The following ESYT1 variants were observed in gnomAD, a reference collection of about 807,000 sequenced individuals.
ESYT1 encodes the protein extended synaptotagmin 1, also known as extended synaptotagmin-1.
ESYT1 carries 116 observed loss-of-function variants against 154.2 expected under a neutral mutation model. The ratio of observed to expected loss-of-function variants is 0.75; its 90% CI spans 0.65 to 0.88. The LOEUF (loss-of-function observed/expected upper bound fraction) is 0.88. Ranked by LOEUF, ESYT1 falls within the 40% of genes least tolerant of loss-of-function variation. The pLI, the probability that ESYT1 is intolerant of heterozygous loss-of-function variation, is 0.00. For missense variants in ESYT1, 1,264 were observed against 1,379.3 expected (o/e 0.92, Z 1.32); for synonymous variants, 500 against 539.9 (o/e 0.93, Z 1.02).
rs1331611070 is a variant in ESYT1 at position 56,142,733 on chromosome 12, G to A, written c.2888+1G>A. On this transcript the variant is annotated splice_donor_variant, in intron 26 of 30. Transcript: ENST00000394048. LOFTEE classifies it high-confidence loss of function. This position sits in a 1 kb window ranked among gnomAD's most constrained non-coding sequence, Gnocchi z 4.1. The stretch of plus-strand genomic sequence containing the variant: ...GGCAGCGCCTAACACATGTTGACAG[G>A]TAAAGGGCTGGGACAGGAAGGTGGG... 1.9e-6 allele frequency: 3 copies of A among 1,613,768 alleles called. No homozygotes were observed. The highest frequency in any genetic ancestry group is 2.5e-6 in the Non-Finnish European group (3 of 1,180,018).
chr12:56,136,603 A>AG, intron 15 of ESYT1, 141 bp from the exon 16 acceptor site: 1 of 682,950 alleles, frequency 1.5e-6, no homozygotes, highest in East Asian at 3.4e-5. Context: ...AAAAAAAAAA[A>AG]AAAAAAAGAT....
Position 56,142,739 on chromosome 12 carries a change from G to A in ESYT1, c.2888+7G>A, listed in dbSNP as rs750217317. On this transcript the variant is annotated splice_region_variant and intron_variant, in intron 26 of 30. Coordinates refer to ENST00000394048, the MANE Select transcript of ESYT1 (RefSeq NM_015292.3). This position sits in a 1 kb window ranked among gnomAD's most constrained non-coding sequence, Gnocchi z 4.1. ...GCCTAACACATGTTGACAGGTAAAG[G>A]GCTGGGACAGGAAGGTGGGACGCAG... 1 of 1,613,566 alleles carries A rather than the reference G, an allele frequency of 6.2e-7. No homozygotes were observed. Among genetic ancestry groups the A allele is most frequent in the Non-Finnish European group, 8.5e-7 (1 of 1,179,958 alleles).
In ESYT1 at chr12:56,137,838, G is replaced by A. The variant is rs777651929; in HGVS notation, c.2122G>A (p.Val708Ile). The A allele has an allele frequency of 2.2e-5, 35 of 1,614,016 alleles. No homozygotes were observed. The highest frequency in any genetic ancestry group is 2.7e-5 in the African/African-American group (2 of 74,904). Residue 708 changes from valine to isoleucine, a missense_variant, in exon 19 of 31, where the codon GTC becomes ATC. Transcript: ENST00000394048. ...PRWNEVFEVI[V>I]TSVPGQELEV... is the part of the protein sequence containing the mutation. ...CACTATTTTCTCCCACTAGGTGATC[G>A]TCACATCAGTTCCAGGCCAAGAGCT...
Position 56,143,213 on chromosome 12 carries a change from C to A in ESYT1, c.3120-15C>A. 1 of 1,614,144 alleles carries A rather than the reference C, an allele frequency of 6.2e-7. No homozygotes were observed. The highest frequency in any genetic ancestry group is 8.5e-7 in the Non-Finnish European group (1 of 1,180,010). On this transcript the variant is annotated splice_polypyrimidine_tract_variant and intron_variant, in intron 28 of 30. Coordinates refer to ENST00000394048, the MANE Select transcript of ESYT1 (RefSeq NM_015292.3). ...GGAAAGGACTCCTGGCCCCTAACAT[C>A]CAGTCCTACCCCAGGTTTGAGTGGG...
intron 1 of ESYT1, among the ~76,000 whole-genome samples, chr12:56,130,146 C>T (rs2136868122): frequency 6.6e-6 from 1 of 152,224 alleles, no homozygotes; most frequent in South Asian, 2.1e-4. Context: ...CTCCTGACCT[C>T]GTGATCCGCC....
Position 56,142,573 on chromosome 12 carries a change from C to T in ESYT1, c.2734-5C>T. 6.2e-7 allele frequency: 1 copy of T among 1,614,078 alleles called. No homozygotes were observed. Among genetic ancestry groups the T allele is most frequent in the Non-Finnish European group, 8.5e-7 (1 of 1,180,032 alleles). On this transcript the variant is annotated splice_polypyrimidine_tract_variant and splice_region_variant and intron_variant, in intron 25 of 30. Transcript: ENST00000394048. This position sits in a 1 kb window ranked among gnomAD's most constrained non-coding sequence, Gnocchi z 4.1. ...CTGCCCAGCTCACAGCTTTCTTGCCCCTAGATCCTGGTGTCCCAGCACTCG... is the reference window on the plus strand; with the variant it reads ...CTGCCCAGCTCACAGCTTTCTTGCCTCTAGATCCTGGTGTCCCAGCACTCG...
intron 29 of ESYT1, 87 bp from the exon 30 acceptor site, chr12:56,143,493 G>A: frequency 6.3e-7 from 1 of 1,577,184 alleles, no homozygotes; most frequent in East Asian, 2.2e-5. Flanking sequence ...ATGGTCTTTG[G>A]AGATTTCAAA....
At chr12:56,143,551 C>A in intron 29 of ESYT1, 29 bp from the exon 30 acceptor site, 1 of 1,613,464 alleles carries the variant, frequency 6.2e-7, no homozygotes, top group Non-Finnish European at 8.5e-7. Flanking sequence ...AAAGAAATAA[C>A]ATCTTTCCCC....
In ESYT1 at chr12:56,128,682, T is replaced by C. The variant is rs1409195354; in HGVS notation, c.363T>C (p.Tyr121=). 18 of 1,613,922 alleles carry C rather than the reference T, an allele frequency of 1.1e-5. No individual in the cohort carries two copies. Among genetic ancestry groups the C allele is most frequent in the Non-Finnish European group, 1.4e-5 (17 of 1,180,030 alleles). Residue 121 remains tyrosine (Y), a synonymous_variant, in exon 1 of 31, where the codon TAT becomes TAC. Transcript: ENST00000394048. The part of the protein sequence containing the change: ...DEEQLTAKTL[Y]MSHRELPAWV... ...AGCAGCTCACTGCGAAAACTCTCTA[T>C]ATGAGTCATCGAGAGCTACCTGCCT...
chr12:56,134,338 C>T lies in ESYT1; in HGVS notation c.1546-4C>T. The T allele has an allele frequency of 6.2e-7, 1 of 1,614,030 alleles. No individual in the cohort carries two copies. The highest frequency in any genetic ancestry group is 8.5e-7 in the Non-Finnish European group (1 of 1,179,926). On this transcript the variant is annotated splice_polypyrimidine_tract_variant and splice_region_variant and intron_variant, in intron 14 of 30. Coordinates refer to ENST00000394048, the MANE Select transcript of ESYT1 (RefSeq NM_015292.3). ...CACCCTTAATCCCTCCTCTACATCTCCAGGCTGTCTACAGTACCAACTGCC... is the reference window on the plus strand; with the variant it reads ...CACCCTTAATCCCTCCTCTACATCTTCAGGCTGTCTACAGTACCAACTGCC...
chr12:56,134,429 G>A lies in ESYT1; in HGVS notation c.1632+1G>A. On this transcript the variant is annotated splice_donor_variant, in intron 15 of 30. Coordinates refer to ENST00000394048, the MANE Select transcript of ESYT1 (RefSeq NM_015292.3). LOFTEE classifies it high-confidence loss of function. Reference sequence around the variant, plus strand: ...TCAAAGCCAGGAGCTCGATGTGCAAGTGAGATAATCACCTCTTCATCCCCT... The same window carrying A: ...TCAAAGCCAGGAGCTCGATGTGCAAATGAGATAATCACCTCTTCATCCCCT... 3 of 1,613,798 alleles carry A rather than the reference G, an allele frequency of 1.9e-6. No individual in the cohort carries two copies. The highest frequency in any genetic ancestry group is 2.5e-6 in the Non-Finnish European group (3 of 1,179,764).
chr12:56,133,553 G>A (rs745370086), intron 11 of ESYT1, 35 bp from the exon 12 acceptor site: 2 of 1,612,530 alleles, frequency 1.2e-6, no homozygotes, highest in Non-Finnish European at 1.7e-6. Context: ...AGTTGAGCAG[G>A]TATCTGATCT....
In ESYT1 at chr12:56,142,600, G is replaced by A. The variant is rs369930710; in HGVS notation, c.2756G>A (p.Gly919Glu). ...TAGATCCTGGTGTCCCAGCACTCGGGAGTGGAAGCTCATAGCCACAGCTAC... is the reference window on the plus strand; with the variant it reads ...TAGATCCTGGTGTCCCAGCACTCGGAAGTGGAAGCTCATAGCCACAGCTAC... Reference protein sequence around the residue: ...QLGILVSQHSGVEAHSHSYSH... With the variant: ...QLGILVSQHSEVEAHSHSYSH... The change falls in exon 26 of 31, where the codon GGA becomes GAA. Residue 919 changes from glycine to glutamate, a missense_variant. Gly to Glu is a moderately conservative substitution (Grantham distance 98). Transcript: ENST00000394048. This position sits in a 1 kb window ranked among gnomAD's most constrained non-coding sequence, Gnocchi z 4.1. 14 of 1,613,984 alleles carry A rather than the reference G, an allele frequency of 8.7e-6. No homozygotes were observed. Among genetic ancestry groups the A allele is most frequent in the African/African-American group, 2.7e-5 (2 of 74,920 alleles).
intron 4 of ESYT1, 58 bp downstream of exon 4, chr12:56,131,171 C>T: frequency 6.2e-7 from 1 of 1,612,594 alleles, no homozygotes; most frequent in Non-Finnish European, 8.5e-7. Flanking sequence ...TCAGTCCAGG[C>T]TACTTCACTC....
chr12:56,143,431 T>C (rs984277038), intron 29 of ESYT1, 98 bp downstream of exon 29: 11 of 1,467,584 alleles, frequency 7.5e-6, no homozygotes, highest in Middle Eastern at 1.9e-4. Flanking sequence ...CGTGATCCTT[T>C]AGAGGTGACT....
intron 1 of ESYT1, chr12:56,129,361 T>G (rs1195914282): frequency 6.4e-6 from 1 of 156,600 alleles, no homozygotes. Context: ...CCCGCACTCC[T>G]CGGCCGGCCA....
chr12:56,130,385 G>A lies in ESYT1; in HGVS notation c.391-197G>A. 4.6e-6 allele frequency: 3 copies of A among 650,872 alleles called. No individual in the cohort carries two copies. In the South Asian group the frequency reaches 5.2e-5, roughly 11 times the overall value. The allele number at this position is 650,872 out of a possible 1,614,324, so 40.3% of individuals were successfully genotyped here. A position where few individuals can be genotyped will look rare whatever the true frequency, so the allele number is the denominator to read the frequency against. On this transcript the variant is annotated intron_variant, in intron 1 of 30. Coordinates refer to ENST00000394048, the MANE Select transcript of ESYT1 (RefSeq NM_015292.3). ...CAACAGCGTGACCTCTACCTTGTCA[G>A]CTCCCCTTATTAGAGAGACATCAGC...
At chr12:56,137,935 G>C (rs765417625) in intron 19 of ESYT1, 21 bp downstream of exon 19, 2 of 1,613,938 alleles carry the variant, frequency 1.2e-6, no homozygotes, top group Non-Finnish European at 1.7e-6. Flanking sequence ...AGGAGTCTAC[G>C]TGAAAAACAG....
intron 24 of ESYT1, among the ~76,000 whole-genome samples, chr12:56,141,716 G>A (rs1870705029): frequency 6.6e-6 from 1 of 152,108 alleles, no homozygotes; most frequent in Non-Finnish European, 1.5e-5. Context: ...CTCCAGCCTG[G>A]GCAACAGAGC....
Sources: allele counts gnomAD v4.1 joint callset (sites outside exome capture counted in the v4.1 genomes callset), GRCh38; gene constraint gnomAD v4.1.1; non-coding constraint Gnocchi (gnomAD v3.1); transcripts MANE v1.5; gene names NCBI Gene and HGNC (gene_info 2026-07-23, HGNC 2026-07-21).